MCM8: variants seen among roughly 807,000 people sequenced by gnomAD.
MCM8 encodes minichromosome maintenance 8 homologous recombination repair factor.
Under a neutral mutation model 98.9 loss-of-function variants are expected in MCM8, and 85 were observed. That is an observed-to-expected ratio of 0.86 (90% CI 0.72 to 1.03). The LOEUF (loss-of-function observed/expected upper bound fraction) is 1.03. Ranked by LOEUF, MCM8 falls within the 50% of genes least tolerant of loss-of-function variation. MCM8 has a pLI of 0.00. For synonymous variants in MCM8, 352 were observed against 338.6 expected (o/e 1.04, Z -0.44); for missense variants, 951 against 997.8 (o/e 0.95, Z 0.63).
intron 17 of MCM8, among the ~76,000 whole-genome samples, chr20:5,992,220 A>G (rs1025053797): frequency 2.0e-5 from 3 of 152,168 alleles, no homozygotes; most frequent in African/African-American, 7.2e-5. Flanking sequence ...AATCTGAGAT[A>G]TGCCACTTAC....
At position 5,996,411 on chromosome 20, in the gene MCM8, G is replaced by A. The variant is rs2089958275; in HGVS notation, c.*2020G>A. The A allele has an allele frequency of 6.6e-6, 1 of 152,008 alleles. No individual in the cohort carries two copies. The highest frequency in any genetic ancestry group is 2.4e-5 in the African/African-American group (1 of 41,360). 9.4% of individuals were successfully genotyped at this position (152,008 alleles called of 1,614,324 possible). A position where few individuals can be genotyped will look rare whatever the true frequency, so the allele number is the denominator to read the frequency against. ...TGTGCCTGTAGTCCCAGCCACTAAG[G>A]AGGCTGAGGCAGGAGAATCACTTGA... On this transcript the variant is annotated 3_prime_UTR_variant, in exon 19 of 19. Transcript: ENST00000610722.
chr20:5,968,958 T>C (rs1453242844), intron 10 of MCM8, among the ~76,000 whole-genome samples: 1 of 152,220 alleles, frequency 6.6e-6, no homozygotes, highest in African/African-American at 2.4e-5. Context: ...CATTTTTTGC[T>C]TTAGTGGTTA....
rs60515029 is a variant in MCM8, at chr20:5,953,167, C to T, written c.253+639C>T. 5.9e-5 allele frequency among the ~76,000 whole-genome samples: 9 copies of T among 152,136 alleles called. No homozygotes were observed. In the East Asian group the frequency reaches 7.7e-4, roughly 13 times the overall value. On this transcript the variant is annotated intron_variant, in intron 3 of 18. Coordinates refer to ENST00000610722, the MANE Select transcript of MCM8 (RefSeq NM_032485.6). ...TTCCTTTCTCTTCCTGCCACCTTCC[C>T]GTCTCTAAAGTGCCTTCAATTGGCA...
Position 5,993,668 on chromosome 20 carries a change from G to A in MCM8, c.2403G>A (p.Arg801=), listed in dbSNP as rs144246736. Reference sequence around the variant, plus strand: ...ATATATTTCAATTTCATCAACTTCGGCAGATTGCCAAAGAACTAAACATTC... The same window carrying A: ...ATATATTTCAATTTCATCAACTTCGACAGATTGCCAAAGAACTAAACATTC... ...YNNIFQFHQL[R]QIAKELNIQV... is the part of the protein sequence containing the mutation. Residue 801 remains arginine, a synonymous_variant, in exon 18 of 19, where the codon CGG becomes CGA. Coordinates refer to ENST00000610722, the MANE Select transcript of MCM8 (RefSeq NM_032485.6). 3.1e-6 allele frequency: 5 copies of A among 1,604,532 alleles called. No homozygotes were observed. In the African/African-American group the frequency reaches 5.4e-5, roughly 17 times the overall value.
At chr20:5,986,974 C>T (rs1289044198) in intron 16 of MCM8, among the ~76,000 whole-genome samples, 1 of 151,880 alleles carries the variant, frequency 6.6e-6, no homozygotes, top group African/African-American at 2.4e-5. Flanking sequence ...TACAGGCATA[C>T]ACCACCGCAC....
chr20:5,994,344 T>A lies in MCM8; in HGVS notation c.2476T>A (p.Tyr826Asn). The change falls in exon 19 of 19, where the codon TAC becomes AAC. Residue 826 changes from tyrosine (Y) to asparagine (N), a missense_variant. Coordinates refer to ENST00000610722, the MANE Select transcript of MCM8 (RefSeq NM_032485.6). ...NFIGSLNDQG[Y>N]LLKKGPKVYQ... is the part of the protein sequence containing the mutation. ...TATTGGATCACTAAATGACCAGGGTTACCTCTTGAAAAAAGGCCCAAAAGT... is the reference window on the plus strand; with the variant it reads ...TATTGGATCACTAAATGACCAGGGTAACCTCTTGAAAAAAGGCCCAAAAGT... The A allele has an allele frequency of 6.2e-7, 1 of 1,610,132 alleles. No homozygotes were observed. The highest frequency in any genetic ancestry group is 8.5e-7 in the Non-Finnish European group (1 of 1,178,568).
chr20:5,967,551 A>AT lies in MCM8; in HGVS notation c.993dup (p.Thr332TyrfsTer16). On this transcript the variant is annotated frameshift_variant, in exon 9 of 19. Transcript: ENST00000610722. LOFTEE classifies it high-confidence loss of function. ...CTGTGTCCCGGGAGACACAGTGACT[A>AT]TTACTGGAATTGTCAAAGTCTCAAA... 6.2e-7 allele frequency: 1 copy of AT among 1,613,476 alleles called. No individual in the cohort carries two copies. The highest frequency in any genetic ancestry group is 8.5e-7 in the Non-Finnish European group (1 of 1,179,576).
chr20:5,993,100 A>G, intron 17 of MCM8, among the ~76,000 whole-genome samples: 1 of 152,124 alleles, frequency 6.6e-6, no homozygotes, highest in East Asian at 1.9e-4. Context: ...TATTTTAAAT[A>G]CCTTTTATTT....
At chr20:5,957,067 T>C in intron 5 of MCM8, 59 bp from the exon 6 acceptor site, 1 of 1,074,780 alleles carries the variant, frequency 9.3e-7, no homozygotes, top group African/African-American at 1.6e-5. Flanking sequence ...AAAAATAGAG[T>C]TCTGTATAAA....
chr20:5,954,516 A>T (rs2088918532), intron 3 of MCM8, 92 bp from the exon 4 acceptor site: 3 of 579,770 alleles, frequency 5.2e-6, no homozygotes, highest in Admixed American at 2.9e-5. Flanking sequence ...GAAAAAAATC[A>T]TCTACCATGT....
At chr20:5,961,823 G>T (rs141165653) in intron 7 of MCM8, among the ~76,000 whole-genome samples, 37 of 152,160 alleles carry the variant, frequency 2.4e-4, no homozygotes, top group Non-Finnish European at 1.6e-4. Flanking sequence ...GTGTGATGTC[G>T]TGAAGAGGTC....
At position 5,952,823 on chromosome 20, in the gene MCM8, A is replaced by G. The variant is rs536671483; in HGVS notation, c.253+295A>G. Among the ~76,000 whole-genome samples the G allele has an allele frequency of 1.2e-4, 18 of 152,376 alleles. No individual in the cohort carries two copies. The East Asian group carries it at 3.3e-3, about 28-fold the overall frequency. ...ATATTGAGGTAACTCCCCAGAAAGT[A>G]GTAATTCAGGAAGCAGCAACCATCC... On this transcript the variant is annotated intron_variant, in intron 3 of 18. Transcript: ENST00000610722.
rs985929355 is a variant in MCM8, at chr20:5,994,223, A to G, written c.2431-76A>G. 3.7e-6 allele frequency: 3 copies of G among 807,616 alleles called. No individual in the cohort carries two copies. The African/African-American group carries it at 5.4e-5, about 15-fold the overall frequency. 50.0% of individuals were successfully genotyped at this position (807,616 alleles called of 1,614,324 possible). On this transcript the variant is annotated intron_variant, in intron 18 of 18. Transcript: ENST00000610722. ...AGAAACTTTACAGGTACATATTATT[A>G]TTTGAGAGATTTATTTTAAAAGTAA...
chr20:5,979,660 A>G (rs2089590779), intron 13 of MCM8, among the ~76,000 whole-genome samples: 2 of 152,144 alleles, frequency 1.3e-5, no homozygotes, highest in Admixed American at 6.5e-5. Context: ...ATCAAAATAT[A>G]TCTGCTATCT....
intron 12 of MCM8, 37 bp from the exon 13 acceptor site, chr20:5,977,839 A>C (rs771539319): frequency 1.2e-6 from 2 of 1,608,094 alleles, no homozygotes; most frequent in South Asian, 2.2e-5. Context: ...CTTCCCTTTT[A>C]CTTTGGATGA....
chr20:5,983,883 C>T (rs1463734400), intron 14 of MCM8, among the ~76,000 whole-genome samples: 2 of 152,160 alleles, frequency 1.3e-5, no homozygotes, highest in African/African-American at 4.8e-5. Context: ...ATGGGTATTG[C>T]AGCATTATTG....
chr20:5,988,572 T>C (rs1396137784), intron 17 of MCM8, among the ~76,000 whole-genome samples: 1 of 152,184 alleles, frequency 6.6e-6, no homozygotes, highest in African/African-American at 2.4e-5. Flanking sequence ...TGTGACTACA[T>C]ATCTATATAT....
chr20:5,980,873 C>CAAA (rs36027696), intron 13 of MCM8, among the ~76,000 whole-genome samples: 1 of 87,914 alleles, frequency 1.1e-5, no homozygotes. Flanking sequence ...CTCTGTCTCT[C>CAAA]AAAAAAAAAA....
chr20:5,986,926 A>G (rs2089745824), intron 16 of MCM8, among the ~76,000 whole-genome samples: 1 of 152,162 alleles, frequency 6.6e-6, no homozygotes, highest in Non-Finnish European at 1.5e-5. Flanking sequence ...CCCAGGCTCA[A>G]GGGATCCTCC....
Sources: gnomAD v4.1 joint callset for allele counts (sites outside exome capture counted in the v4.1 genomes callset) on GRCh38, gnomAD v4.1.1 for gene constraint, MANE v1.5 for transcripts, NCBI Gene and HGNC (gene_info 2026-07-23, HGNC 2026-07-21) for gene names.